Variants in ARMC6 observed in about 807,000 individuals in gnomAD.
ARMC6 encodes the protein armadillo repeat-containing protein 6.
Under a neutral mutation model 49.2 loss-of-function variants are expected in ARMC6, and 43 were observed. The observed-to-expected ratio is 0.87, with a 90% confidence interval of 0.69 to 1.13. ARMC6 has a LOEUF of 1.13. Among genes scored for constraint, ARMC6 ranks in the 50% most tolerant of loss-of-function variants. The pLI is 0.00. For synonymous variants in ARMC6, 262 were observed against 289.6 expected (o/e 0.90, Z 0.97); for missense variants, 627 against 682.0 (o/e 0.92, Z 0.90).
chr19:19,040,937 A>G (rs907581851), intron 2 of ARMC6: 3 of 208,852 alleles, frequency 1.4e-5, no homozygotes, highest in Non-Finnish European at 3.1e-5. Flanking sequence ...CCCCAGCGTT[A>G]CCTGCCCCAT....
chr19:19,045,308 CAG>C (rs1271616293), intron 4 of ARMC6, among the ~76,000 whole-genome samples: 1 of 152,170 alleles, frequency 6.6e-6, no homozygotes, highest in East Asian at 1.9e-4. Flanking sequence ...CCACAGTGCC[CAG>C]CCTGGATGAA....
At position 19,040,793 on chromosome 19, in the gene ARMC6, GTGAGC is replaced by G. The variant is rs745534391; in HGVS notation, c.30-1917_30-1913del. 482 of 441,032 alleles carry G rather than the reference GTGAGC, an allele frequency of 1.1e-3. 2 individuals are homozygous for G. Among genetic ancestry groups the G allele is most frequent in the Middle Eastern group, 6.3e-3 (19 of 3,000 alleles). 27.3% of individuals were successfully genotyped at this position (441,032 alleles called of 1,614,324 possible). On this transcript the variant is annotated intron_variant, in intron 2 of 8. Coordinates refer to ENST00000535612, the MANE Select transcript of ARMC6 (RefSeq NM_001199196.2). ...CTCCCTGATTGCTGGGATTACAGAC[GTGAGC>G]CACCACACCTGGCCCAGATTTTGAT... is the stretch of plus-strand genomic sequence containing the variant.
At chr19:19,045,486 C>T (rs2059441840) in intron 4 of ARMC6, among the ~76,000 whole-genome samples, 2 of 35,260 alleles carry the variant, frequency 5.7e-5, no homozygotes, top group South Asian at 1.0e-3. Context: ...CAGCATTATG[C>T]TAAATTCTTT....
chr19:19,045,022 A>G (rs1052068651), intron 4 of ARMC6, among the ~76,000 whole-genome samples: 8 of 151,990 alleles, frequency 5.3e-5, no homozygotes, highest in African/African-American at 1.9e-4. Flanking sequence ...ATATTTATTT[A>G]TCTATTGAGA....
intron 3 of ARMC6, 100 bp downstream of exon 3, chr19:19,042,977 G>A (rs1568490105): frequency 1.4e-6 from 2 of 1,450,684 alleles, no homozygotes; most frequent in South Asian, 2.5e-5. Flanking sequence ...CACATGCCTG[G>A]CATAGAAACC....
At chr19:19,052,755 G>A (rs2059510101) in intron 5 of ARMC6, among the ~76,000 whole-genome samples, 1 of 152,146 alleles carries the variant, frequency 6.6e-6, no homozygotes, top group South Asian at 2.1e-4. Context: ...ACACACAGAA[G>A]GTGTTAGGAG....
At chr19:19,052,462 G>C (rs376768144) in intron 5 of ARMC6, among the ~76,000 whole-genome samples, 237 of 152,288 alleles carry the variant, frequency 1.6e-3, no homozygotes, top group African/African-American at 5.4e-3. Flanking sequence ...GGCTTGCTGT[G>C]TCCAACTCCA....
At chr19:19,048,944 T>C (rs1157889897) in intron 4 of ARMC6, among the ~76,000 whole-genome samples, 1 of 152,084 alleles carries the variant, frequency 6.6e-6, no homozygotes, top group African/African-American at 2.4e-5. Flanking sequence ...GGCAGGAAGA[T>C]AAAATGAGAC....
chr19:19,034,893 G>T (rs1286950438), intron 2 of ARMC6, among the ~76,000 whole-genome samples: 4 of 141,786 alleles, frequency 2.8e-5, no homozygotes, highest in Non-Finnish European at 6.0e-5. Flanking sequence ...ACGGAGTCTC[G>T]TTCTGTCACC....
At chr19:19,045,576 C>T (rs1261577088) in intron 4 of ARMC6, among the ~76,000 whole-genome samples, 3 of 138,790 alleles carry the variant, frequency 2.2e-5, no homozygotes, top group Non-Finnish European at 4.6e-5. Context: ...CAACCTCTGC[C>T]TCTTGGGTTC....
At chr19:19,054,648 C>T (rs971774400) in intron 6 of ARMC6, among the ~76,000 whole-genome samples, 2 of 152,120 alleles carry the variant, frequency 1.3e-5, no homozygotes, top group African/African-American at 2.4e-5. Context: ...CTCATTACTC[C>T]GTTTAGCAGC....
intron 8 of ARMC6, among the ~76,000 whole-genome samples, chr19:19,056,177 C>T (rs1410580090): frequency 6.6e-6 from 1 of 152,060 alleles, no homozygotes; most frequent in Non-Finnish European, 1.5e-5. Context: ...TGCATTTACT[C>T]TCCTTTTTTG....
In ARMC6 at chr19:19,033,641, T is replaced by G; in HGVS notation, c.-369T>G. On this transcript the variant is annotated 5_prime_UTR_variant, in exon 1 of 9. Coordinates refer to ENST00000535612, the MANE Select transcript of ARMC6 (RefSeq NM_001199196.2). Reference sequence around the variant, plus strand: ...CTTGCGCAAGCGCGCTGTCCGCTTCTTCTGGGCGGACGCTCTGGAGGCAAA... The same window carrying G: ...CTTGCGCAAGCGCGCTGTCCGCTTCGTCTGGGCGGACGCTCTGGAGGCAAA... The G allele has an allele frequency of 9.6e-7, 1 of 1,046,540 alleles. No homozygotes were observed. Among genetic ancestry groups the G allele is most frequent in the Non-Finnish European group, 1.2e-6 (1 of 845,378 alleles). The allele number at this position is 1,046,540 out of a possible 1,614,324, so 64.8% of individuals were successfully genotyped here. A position where few individuals can be genotyped will look rare whatever the true frequency, so the allele number is the denominator to read the frequency against.
intron 8 of ARMC6, among the ~76,000 whole-genome samples, chr19:19,056,462 A>G (rs1191071984): frequency 6.6e-6 from 1 of 152,102 alleles, no homozygotes; most frequent in Non-Finnish European, 1.5e-5. Flanking sequence ...AGGTTTTGCC[A>G]TGTTAGCCAG....
chr19:19,050,793 C>T (rs1392060574), intron 4 of ARMC6, among the ~76,000 whole-genome samples: 1 of 152,184 alleles, frequency 6.6e-6, no homozygotes, highest in Non-Finnish European at 1.5e-5. Flanking sequence ...TTTTTCGTGT[C>T]AGTCAATGCC....
intron 5 of ARMC6, among the ~76,000 whole-genome samples, chr19:19,053,898 T>C (rs1350727762): frequency 6.6e-6 from 1 of 151,594 alleles, no homozygotes; most frequent in East Asian, 1.9e-4. Flanking sequence ...GACCATGAGT[T>C]GGTATGGAAT....
intron 3 of ARMC6, 84 bp downstream of exon 3, chr19:19,042,961 G>T: frequency 6.5e-7 from 1 of 1,540,734 alleles, no homozygotes; most frequent in Non-Finnish European, 8.8e-7. Flanking sequence ...GCCCCACTGG[G>T]GGTGCCACAT....
chr19:19,054,403 C>A (rs2059526125), intron 6 of ARMC6, 82 bp downstream of exon 6: 3 of 1,348,002 alleles, frequency 2.2e-6, no homozygotes, highest in Non-Finnish European at 2.9e-6. Flanking sequence ...ACAAGCCAGC[C>A]CTGCCTGCCA....
Position 19,055,804 on chromosome 19 carries a change from G to A in ARMC6, c.1169G>A (p.Ser390Asn), listed in dbSNP as rs2059539012. 31 of 1,587,894 alleles carry A rather than the reference G, an allele frequency of 2.0e-5. No homozygotes were observed. The highest frequency in any genetic ancestry group is 2.7e-5 in the Non-Finnish European group (31 of 1,162,590). ...TGGCCCCTGCAGGTGTGTGAGCAGA[G>A]CTGCGCGGCCCTGTGCTTCCTGGCC... ...HLTSPQVCEQSCAALCFLALR... is the reference protein window; with the variant it reads ...HLTSPQVCEQNCAALCFLALR... Residue 390 changes from serine (S) to asparagine (N), a missense_variant, in exon 8 of 9, where the codon AGC becomes AAC. Coordinates refer to ENST00000535612, the MANE Select transcript of ARMC6 (RefSeq NM_001199196.2). The surrounding 1 kb of genome is among the most constrained non-coding windows in gnomAD (Gnocchi z 5.7).
Sources: gnomAD v4.1 joint callset for allele counts (sites outside exome capture counted in the v4.1 genomes callset) on GRCh38, gnomAD v4.1.1 for gene constraint, Gnocchi (gnomAD v3.1) non-coding constraint, MANE v1.5 for transcripts, NCBI Gene and HGNC (gene_info 2026-07-23, HGNC 2026-07-21) for gene names.